DCBLD1: variants seen among roughly 807,000 people sequenced by gnomAD.
DCBLD1 encodes discoidin, CUB and LCCL domain-containing protein 1.
Under a neutral mutation model 71.5 loss-of-function variants are expected in DCBLD1, and 57 were observed. That is an observed-to-expected ratio of 0.80 (90% CI 0.64 to 0.99). DCBLD1 has a LOEUF of 0.99. Ranked by LOEUF, DCBLD1 falls within the 50% of genes least tolerant of loss-of-function variation. DCBLD1 has a pLI of 0.00. For synonymous variants in DCBLD1, 380 were observed against 363.8 expected, an observed-to-expected ratio of 1.04 and a Z score of -0.51; for missense variants, 891 against 923.5, an observed-to-expected ratio of 0.96 and a Z score of 0.46.
intron 6 of DCBLD1, among the ~76,000 whole-genome samples, chr6:117,536,524 G>A (rs1233476756): frequency 3.9e-5 from 6 of 152,216 alleles, no homozygotes; most frequent in East Asian, 3.8e-4. Flanking sequence ...TGATAGAAGC[G>A]GCAGTAAGGC....
intron 2 of DCBLD1, among the ~76,000 whole-genome samples, chr6:117,509,527 A>C (rs1004299133): frequency 6.6e-6 from 1 of 152,204 alleles, no homozygotes; most frequent in African/African-American, 2.4e-5. Context: ...CACCTGGTAC[A>C]TAGTAAGCAC....
chr6:117,503,758 C>G lies in DCBLD1; in HGVS notation c.113-9C>G. 1 of 1,613,572 alleles carries G rather than the reference C, an allele frequency of 6.2e-7. No homozygotes were observed. Among genetic ancestry groups the G allele is most frequent in the Non-Finnish European group, 8.5e-7 (1 of 1,179,800 alleles). On this transcript the variant is annotated splice_polypyrimidine_tract_variant and intron_variant, in intron 1 of 14. Coordinates refer to ENST00000338728, the MANE Select transcript of DCBLD1 (RefSeq NM_001366458.2). ...CTTCTTTTATTCCCCCCTTCTTTTTCTTTACCAGGTGATGGCTGTGGACAC... is the reference window on the plus strand; with the variant it reads ...CTTCTTTTATTCCCCCCTTCTTTTTGTTTACCAGGTGATGGCTGTGGACAC...
Position 117,548,290 on chromosome 6 carries a change from C to T in DCBLD1, c.1999C>T (p.Arg667Trp), listed in dbSNP as rs182830982. ...SAQPADRGYD[R>W]PKAVSALATE... The stretch of plus-strand genomic sequence containing the variant: ...ACAGCCTGCGGACAGGGGCTACGAC[C>T]GGCCCAAAGCTGTCAGCGCCCTCGC... The change falls in exon 15 of 15, where the codon CGG becomes TGG. Residue 667 changes from arginine (R) to tryptophan (W), a missense_variant. Arg to Trp is a moderately radical substitution (Grantham distance 101, BLOSUM62 -3). Coordinates refer to ENST00000338728, the MANE Select transcript of DCBLD1 (RefSeq NM_001366458.2). The T allele has an allele frequency of 4.4e-5, 68 of 1,550,652 alleles. No homozygotes were observed. The Admixed American group carries it at 6.9e-4, about 16-fold the overall frequency.
At chr6:117,514,100 A>G (rs1170471106) in intron 2 of DCBLD1, among the ~76,000 whole-genome samples, 2 of 151,572 alleles carry the variant, frequency 1.3e-5, no homozygotes, top group Non-Finnish European at 2.9e-5. Flanking sequence ...ATATTTTTCC[A>G]TTTTTCTTTC....
intron 14 of DCBLD1, among the ~76,000 whole-genome samples, chr6:117,559,646 G>T (rs993135065): frequency 6.6e-6 from 1 of 152,066 alleles, no homozygotes; most frequent in South Asian, 2.1e-4. Flanking sequence ...ACCTGAAAAA[G>T]GTTCATTATT....
rs1201787318 is a variant in DCBLD1 at position 117,548,363 on chromosome 6, G to A, written c.2072G>A (p.Gly691Glu). The change falls in exon 15 of 15, where the codon GGG (glycine) becomes GAG (glutamate). Residue 691 changes from glycine (G) to glutamate (E), a missense_variant. Physicochemically the swap from Gly to Glu is moderately conservative, Grantham distance 98 (BLOSUM62 -2). Transcript: ENST00000338728. ...TCTCAGAAGCCCCCAACGCATCCCGGGACGAGTGACAGCTATTCTGCCCCC... is the reference window on the plus strand; with the variant it reads ...TCTCAGAAGCCCCCAACGCATCCCGAGACGAGTGACAGCTATTCTGCCCCC... ...PDSQKPPTHP[G>E]TSDSYSAPRD... 2 of 1,550,688 alleles carry A rather than the reference G, an allele frequency of 1.3e-6. No homozygotes were observed. Among genetic ancestry groups the A allele is most frequent in the Admixed American group, 2.0e-5 (1 of 51,010 alleles).
In DCBLD1 at chr6:117,560,134, C is replaced by T. The variant is rs1779554635; in HGVS notation, c.1616-9486C>T. ...AAAACAGGATTGATTTTCTAACTTT[C>T]ATCAATGTTTTCCTCATAGATAACA... On this transcript the variant is annotated intron_variant, in intron 14 of 14. Coordinates refer to the DCBLD1 transcript ENST00000296955. 3 of 156,092 alleles carry T rather than the reference C, an allele frequency of 1.9e-5. No individual in the cohort carries two copies. In the South Asian group the frequency reaches 6.2e-4, roughly 32 times the overall value. 9.7% of individuals were successfully genotyped at this position (156,092 alleles called of 1,614,324 possible). A position where few individuals can be genotyped will look rare whatever the true frequency, so the allele number is the denominator to read the frequency against.
chr6:117,538,147 G>A (rs894993330), intron 7 of DCBLD1, among the ~76,000 whole-genome samples: 1 of 152,196 alleles, frequency 6.6e-6, no homozygotes, highest in Non-Finnish European at 1.5e-5. Flanking sequence ...GCATGGTATA[G>A]TTAAGGTCCT....
intron 1 of DCBLD1, among the ~76,000 whole-genome samples, chr6:117,491,174 G>A (rs1441258677): frequency 6.6e-6 from 1 of 152,128 alleles, no homozygotes; most frequent in Non-Finnish European, 1.5e-5. Flanking sequence ...TTAAAATGTG[G>A]TTGATTTCAG....
At chr6:117,556,495 G>A (rs1302538958) in intron 14 of DCBLD1, among the ~76,000 whole-genome samples, 2 of 152,100 alleles carry the variant, frequency 1.3e-5, no homozygotes, top group Non-Finnish European at 2.9e-5. Flanking sequence ...TTCTGAGTTA[G>A]TTCACTTAAG....
intron 14 of DCBLD1, chr6:117,560,670 C>T (rs2114594182): frequency 5.1e-6 from 1 of 196,524 alleles, no homozygotes; most frequent in East Asian, 8.0e-5. Flanking sequence ...ATAGTCTCAC[C>T]ACCAAAATGT....
Position 117,494,697 on chromosome 6 carries a change from G to A in DCBLD1, c.113-9070G>A, listed in dbSNP as rs143857369. 6 of 152,142 alleles carry A rather than the reference G, an allele frequency of 3.9e-5. No individual in the cohort carries two copies. In the East Asian group the frequency reaches 1.2e-3, roughly 29 times the overall value. The allele number at this position is 152,142 out of a possible 1,614,324, so 9.4% of individuals were successfully genotyped here. A position where few individuals can be genotyped will look rare whatever the true frequency, so the allele number is the denominator to read the frequency against. ...AAGGACTTGTAACTTAATAACAACA[G>A]TGAGAAAAGTCTTGCTTTTGAATCA... On this transcript the variant is annotated intron_variant, in intron 1 of 14. Coordinates refer to ENST00000338728, the MANE Select transcript of DCBLD1 (RefSeq NM_001366458.2).
At chr6:117,505,270 G>T (rs144769599) in intron 2 of DCBLD1, among the ~76,000 whole-genome samples, 1 of 152,150 alleles carries the variant, frequency 6.6e-6, no homozygotes, top group Admixed American at 6.5e-5. Flanking sequence ...AACATTTATT[G>T]TTCCATTACC....
intron 2 of DCBLD1, among the ~76,000 whole-genome samples, chr6:117,514,685 A>T (rs780748282): frequency 4.6e-5 from 7 of 152,124 alleles, no homozygotes; most frequent in Non-Finnish European, 1.0e-4. Context: ...CAGTAATAAA[A>T]ATATGAAAGG....
At chr6:117,530,886 T>C (rs1207289163) in intron 5 of DCBLD1, among the ~76,000 whole-genome samples, 8 of 152,206 alleles carry the variant, frequency 5.3e-5, no homozygotes, top group Admixed American at 5.2e-4. Context: ...GATCTTTTTC[T>C]CTTCTAATTT....
intron 14 of DCBLD1, among the ~76,000 whole-genome samples, chr6:117,560,116 G>T (rs1322597986): frequency 6.6e-6 from 1 of 152,078 alleles, no homozygotes; most frequent in Non-Finnish European, 1.5e-5. Context: ...TTAAAAACAG[G>T]ATTGATTTTC....
At chr6:117,551,645 C>T (rs1349092536), downstream of DCBLD1, among the ~76,000 whole-genome samples, 2 of 152,212 alleles carry the variant, frequency 1.3e-5, no homozygotes, top group African/African-American at 4.8e-5. Flanking sequence ...TCCCAAAGTG[C>T]TGGGATTACA....
chr6:117,543,249 T>C, intron 12 of DCBLD1, 38 bp downstream of exon 12: 2 of 1,594,276 alleles, frequency 1.3e-6, no homozygotes, highest in South Asian at 1.1e-5. Flanking sequence ...CTTCTCTAAT[T>C]ATGCGAACAA....
chr6:117,545,916 T>G (rs1166509915), intron 14 of DCBLD1, among the ~76,000 whole-genome samples: 1 of 152,144 alleles, frequency 6.6e-6, no homozygotes, highest in Non-Finnish European at 1.5e-5. Context: ...ACAGAGGGGC[T>G]GAAAGGAGGA....
Sources: allele counts gnomAD v4.1 joint callset (sites outside exome capture counted in the v4.1 genomes callset), GRCh38; gene constraint gnomAD v4.1.1; transcripts MANE v1.5; gene names NCBI Gene and HGNC (gene_info 2026-07-23, HGNC 2026-07-21).